NFATC2: variants seen among roughly 807,000 people sequenced by gnomAD.
NFATC2 encodes the protein nuclear factor of activated T cells 2.
In NFATC2, 22 loss-of-function variants were observed where a neutral mutation model predicts 87.3. The observed-to-expected ratio is 0.25, with a 90% confidence interval of 0.18 to 0.36. The LOEUF is 0.36. NFATC2 is among the 10% of genes least tolerant of loss of function. The pLI is 1.00. For missense variants in NFATC2, 1,149 were observed against 1,259.1 expected (o/e 0.91, Z 1.32); for synonymous variants, 565 against 542.2 (o/e 1.04, Z -0.58).
intron 1 of NFATC2, among the ~76,000 whole-genome samples, chr20:51,526,404 G>A (rs1039538062): frequency 2.0e-5 from 3 of 152,146 alleles, no homozygotes; most frequent in African/African-American, 7.2e-5. Flanking sequence ...CCCAAAGCCT[G>A]AAATATTTAC....
chr20:51,454,228 C>A (rs1362881545), intron 6 of NFATC2, among the ~76,000 whole-genome samples: 2 of 152,162 alleles, frequency 1.3e-5, no homozygotes, highest in Non-Finnish European at 2.9e-5. Flanking sequence ...GCTGTTTGGC[C>A]TCCCTTCTTG....
At chr20:51,506,866 A>G (rs1447292011) in intron 3 of NFATC2, among the ~76,000 whole-genome samples, 1 of 152,208 alleles carries the variant, frequency 6.6e-6, no homozygotes, top group Non-Finnish European at 1.5e-5. Context: ...TAATCAGAGA[A>G]AATCAGCTTC....
Position 51,542,531 on chromosome 20 carries a change from G to A in NFATC2, c.-32C>T. 1.6e-5 allele frequency: 22 copies of A among 1,354,810 alleles called. No individual in the cohort carries two copies. The highest frequency in any genetic ancestry group is 2.0e-5 in the Non-Finnish European group (21 of 1,055,564). The allele number at this position is 1,354,810 out of a possible 1,614,324, so 83.9% of individuals were successfully genotyped here. On this transcript the variant is annotated 5_prime_UTR_variant, in exon 1 of 11. Coordinates refer to ENST00000371564, the MANE Select transcript of NFATC2 (RefSeq NM_012340.5). ...CAGGGCGGGAAGGCTGCGGGGCCGG[G>A]GGCGAGGGCGGGCGCGGCTGGCTCT...
At chr20:51,400,160 C>T (rs546743704) in intron 9 of NFATC2, among the ~76,000 whole-genome samples, 9 of 152,350 alleles carry the variant, frequency 5.9e-5, no homozygotes, top group Admixed American at 5.2e-4. Flanking sequence ...ACTGCCACCC[C>T]GGCCCTACAG....
chr20:51,450,167 T>G (rs866027230), intron 6 of NFATC2, among the ~76,000 whole-genome samples: 1 of 152,118 alleles, frequency 6.6e-6, no homozygotes, highest in African/African-American at 2.4e-5. Flanking sequence ...TCAGCCCAGA[T>G]AGGTGAAGTA....
chr20:51,521,673 TA>T (rs1393191610), intron 2 of NFATC2, among the ~76,000 whole-genome samples: 2 of 152,184 alleles, frequency 1.3e-5, no homozygotes, highest in African/African-American at 2.4e-5. Flanking sequence ...TTTGCTAAAA[TA>T]AAAAATAACC....
Position 51,542,485 on chromosome 20 carries a change from C to T in NFATC2, c.15G>A (p.Glu5=), listed in dbSNP as rs1335754080. The T allele has an allele frequency of 1.3e-6, 2 of 1,527,666 alleles. No homozygotes were observed. Among genetic ancestry groups the T allele is most frequent in the African/African-American group, 1.5e-5 (1 of 68,492 alleles). 94.6% of individuals were successfully genotyped at this position (1,527,666 alleles called of 1,614,324 possible). ...CCCCGCCGTCGGGTTGGGGCTGCCG[C>T]TCGGGGGCGTTCATGGCGCGCAGGG... is the stretch of plus-strand genomic sequence containing the variant. MNAP[E]RQPQPDGGDA... The change falls in exon 1 of 11, where the codon GAG becomes GAA. Residue 5 remains glutamate (E), a synonymous_variant. Coordinates refer to ENST00000371564, the MANE Select transcript of NFATC2 (RefSeq NM_012340.5).
intron 1 of NFATC2, among the ~76,000 whole-genome samples, chr20:51,528,487 C>A (rs541427615): frequency 6.6e-6 from 1 of 152,050 alleles, no homozygotes; most frequent in Non-Finnish European, 1.5e-5. Context: ...CAGATGTACA[C>A]GCACAGACAG....
chr20:51,458,259 AGGGGGTGTCCT>A (rs1299799461), intron 5 of NFATC2, among the ~76,000 whole-genome samples: 73 of 152,246 alleles, frequency 4.8e-4, no homozygotes, highest in Non-Finnish European at 7.4e-4. Context: ...GTCAGCAGGC[AGGGGGTGTCCT>A]GGGGGTGTCC....
At chr20:51,409,723 C>T (rs935940816) in intron 9 of NFATC2, among the ~76,000 whole-genome samples, 7 of 152,174 alleles carry the variant, frequency 4.6e-5, no homozygotes, top group Admixed American at 2.0e-4. Flanking sequence ...ACGTGTCAGA[C>T]GACAGTATGC....
chr20:51,520,817 C>T (rs2076432501), intron 2 of NFATC2, among the ~76,000 whole-genome samples: 1 of 151,932 alleles, frequency 6.6e-6, no homozygotes, highest in African/African-American at 2.4e-5. Context: ...TGCAACATCA[C>T]ACCCGGCTAA....
chr20:51,540,515 T>C (rs959524426), intron 1 of NFATC2, among the ~76,000 whole-genome samples: 14 of 152,174 alleles, frequency 9.2e-5, no homozygotes, highest in African/African-American at 3.1e-4. Flanking sequence ...TATTGGTTTG[T>C]TGGTTACAAT....
intron 1 of NFATC2, among the ~76,000 whole-genome samples, chr20:51,533,642 C>A (rs1600974952): frequency 6.6e-6 from 1 of 152,252 alleles, no homozygotes; most frequent in African/African-American, 2.4e-5. Flanking sequence ...GCTAAGACAG[C>A]TGTCTGCCTT....
intron 3 of NFATC2, among the ~76,000 whole-genome samples, chr20:51,483,899 C>T (rs1178415000): frequency 6.6e-6 from 1 of 152,108 alleles, no homozygotes; most frequent in East Asian, 1.9e-4. Flanking sequence ...ACCCCTCTCC[C>T]TCCACCTACA....
chr20:51,410,724 G>A (rs977811013), intron 9 of NFATC2, among the ~76,000 whole-genome samples: 8 of 152,074 alleles, frequency 5.3e-5, no homozygotes, highest in African/African-American at 1.9e-4. Context: ...GCACATCCTG[G>A]CACATCTAGA....
At chr20:51,421,379 T>C (rs957804078) in intron 9 of NFATC2, among the ~76,000 whole-genome samples, 3 of 152,156 alleles carry the variant, frequency 2.0e-5, no homozygotes, top group Non-Finnish European at 4.4e-5. Flanking sequence ...AGGTCCTGGA[T>C]TAATGAGCCT....
intron 5 of NFATC2, among the ~76,000 whole-genome samples, chr20:51,460,927 G>A (rs776617108): frequency 2.0e-5 from 3 of 152,102 alleles, no homozygotes; most frequent in Admixed American, 1.3e-4. Flanking sequence ...CCAATCTCTC[G>A]GGCAGAGGCC....
chr20:51,432,752 T>C lies in NFATC2; in HGVS notation c.2037A>G (p.Pro679=). Residue 679 remains proline (P), a synonymous_variant, in exon 9 of 11, where the codon CCA becomes CCG. Transcript: ENST00000371564. This position sits in a 1 kb window ranked among gnomAD's most constrained non-coding sequence, Gnocchi z 4.6. The part of the protein sequence containing the change: ...QPQHFTYHPV[P]AIKTEPTDEY... Reference sequence around the variant, plus strand: ...CATCCGTGGGCTCCGTCTTGATGGCTGGGACTGGGAGGAGAAAAGAGCACA... The same window carrying C: ...CATCCGTGGGCTCCGTCTTGATGGCCGGGACTGGGAGGAGAAAAGAGCACA... The C allele has an allele frequency of 1.3e-6, 2 of 1,570,054 alleles. No homozygotes were observed. Among genetic ancestry groups the C allele is most frequent in the Non-Finnish European group, 1.7e-6 (2 of 1,167,190 alleles).
chr20:51,466,471 G>A (rs1242652989), intron 5 of NFATC2, among the ~76,000 whole-genome samples: 6 of 151,294 alleles, frequency 4.0e-5, no homozygotes, highest in East Asian at 3.9e-4. Context: ...AAGAAGCATC[G>A]GGGTCGTAGG....
Sources: gnomAD v4.1 joint callset for allele counts (sites outside exome capture counted in the v4.1 genomes callset) on GRCh38, gnomAD v4.1.1 for gene constraint, Gnocchi (gnomAD v3.1) non-coding constraint, MANE v1.5 for transcripts, NCBI Gene and HGNC (gene_info 2026-07-23, HGNC 2026-07-21) for gene names.